The following ADGRE3 variants were observed in gnomAD, a reference collection of about 807,000 sequenced individuals.
ADGRE3 encodes adhesion G protein-coupled receptor E3, also known as EGF-like module receptor 3.
Under a neutral mutation model 80.1 loss-of-function variants are expected in ADGRE3, and 88 were observed. The observed-to-expected ratio is 1.10, with a 90% CI of 0.93 to 1.31. ADGRE3 has a LOEUF of 1.31. ADGRE3 is among the 40% of genes most tolerant of loss of function. The probability of loss-of-function intolerance (pLI) is 0.00; values close to 1 mark genes in which losing one functional copy is unlikely to be tolerated. For missense variants in ADGRE3, 715 were observed against 776.5 expected (o/e 0.92, Z 0.94); for synonymous variants, 281 against 294.8 (o/e 0.95, Z 0.48).
chr19:14,662,804 C>T (rs527568210), intron 3 of ADGRE3, among the ~76,000 whole-genome samples: 48 of 150,452 alleles, frequency 3.2e-4, no homozygotes, highest in Middle Eastern at 3.4e-3. Context: ...GCAGGGTTCA[C>T]GCCTGTAATC....
chr19:14,632,857 A>G, intron 13 of ADGRE3, 64 bp downstream of exon 13: 1 of 1,063,442 alleles, frequency 9.4e-7, no homozygotes, highest in Non-Finnish European at 1.5e-6. Context: ...GTACGTGTGT[A>G]TGGATATGTA....
chr19:14,651,079 G>T lies in ADGRE3; in HGVS notation c.697+6C>A, dbSNP rs1479829209. On this transcript the variant is annotated splice_donor_region_variant and intron_variant, in intron 7 of 15. Transcript: ENST00000253673. ...GAAGGATTCTGAATGCAGCCATCAG[G>T]CATACCTTGTGTGTCTCCCTGGATG... 1 of 1,613,958 alleles carries T rather than the reference G, an allele frequency of 6.2e-7. No homozygotes were observed. The highest frequency in any genetic ancestry group is 1.1e-5 in the South Asian group (1 of 91,066).
chr19:14,631,095 C>T (rs866465349), intron 13 of ADGRE3, among the ~76,000 whole-genome samples: 19 of 152,028 alleles, frequency 1.2e-4, no homozygotes, highest in African/African-American at 4.1e-4. Context: ...TGGTCTCGAA[C>T]GACTGACCTC....
intron 1 of ADGRE3, among the ~76,000 whole-genome samples, chr19:14,673,633 C>G (rs572977504): frequency 5.3e-5 from 8 of 152,326 alleles, no homozygotes; most frequent in Non-Finnish European, 1.2e-4. Context: ...CCCCAGTTTT[C>G]TTATCTGTAA....
intron 5 of ADGRE3, among the ~76,000 whole-genome samples, chr19:14,657,749 T>A (rs199840759): frequency 0.024 from 3,411 of 142,592 alleles, 108 homozygotes; most frequent in African/African-American, 0.081. Flanking sequence ...ATATATATTT[T>A]TTTGTTTGTT....
chr19:14,609,225 T>C, the ADGRE3 span, among the ~76,000 whole-genome samples: 1 of 152,128 alleles, frequency 6.6e-6, no homozygotes, highest in African/African-American at 2.4e-5. Flanking sequence ...GGTGACAGCC[T>C]AAGAGAAGCC....
Position 14,620,555 on chromosome 19 carries a change from T to TATATATATATATA in ADGRE3, c.1921-1097_1921-1085dup, listed in dbSNP as rs1970561826. Among the ~76,000 whole-genome samples, 2 of 29,068 alleles carry TATATATATATATA rather than the reference T, an allele frequency of 6.9e-5. 1 individual carries two copies. The highest frequency in any genetic ancestry group is 3.0e-4 in the African/African-American group (2 of 6,716). The allele number at this position is 29,068 out of a possible 152,430, so 19.1% of individuals were successfully genotyped here. On this transcript the variant is annotated intron_variant, in intron 15 of 15. Transcript: ENST00000253673. ...ATATATTTTATATATATATTATATA[T>TATATATATATATA]ATATATATATATATTTTTTTTTTTT... is the stretch of plus-strand genomic sequence containing the variant.
At chr19:14,631,948 C>G (rs544861639) in intron 13 of ADGRE3, among the ~76,000 whole-genome samples, 1 of 152,066 alleles carries the variant, frequency 6.6e-6, no homozygotes, top group African/African-American at 2.4e-5. Context: ...AAAAATGTAA[C>G]AAAGTTGTCT....
chr19:14,647,410 CTTT>C (rs35043921), intron 7 of ADGRE3, 45 bp from the exon 8 acceptor site: 42,538 of 921,000 alleles, frequency 0.046, 8 homozygotes, highest in Middle Eastern at 0.067. Context: ...TCTTTTCTTT[CTTT>C]TTTTTTTTTT....
At chr19:14,634,494 G>T (rs931446983) in intron 11 of ADGRE3, among the ~76,000 whole-genome samples, 2 of 152,034 alleles carry the variant, frequency 1.3e-5, no homozygotes, top group Admixed American at 1.3e-4. Context: ...CCAGATTTTT[G>T]GGGTTTTTAT....
rs773754562 is a variant in ADGRE3 at position 14,654,991 on chromosome 19, C to T, written c.568G>A (p.Asp190Asn). The T allele has an allele frequency of 9.3e-6, 15 of 1,613,592 alleles. No homozygotes were observed. Among genetic ancestry groups the T allele is most frequent in the South Asian group, 2.2e-5 (2 of 91,040 alleles). ...CTCATTATTGTCTTACCTACACTAT[C>T]GTTTTGGATTTTCAGGACTTTTTGT... ...PEQKVLKIQNDSVAIETQAIT... is the reference protein window; with the variant it reads ...PEQKVLKIQNNSVAIETQAIT... The change falls in exon 6 of 16, where the codon GAT becomes AAT. Residue 190 changes from aspartate to asparagine, a missense_variant. Transcript: ENST00000253673.
intron 11 of ADGRE3, 103 bp downstream of exon 11, chr19:14,638,002 G>A (rs978271671): frequency 7.5e-6 from 6 of 803,016 alleles, no homozygotes; most frequent in Non-Finnish European, 1.3e-5. Flanking sequence ...AAAGGAGAAC[G>A]TAGAGTGCAT....
the ADGRE3 span, among the ~76,000 whole-genome samples, chr19:14,607,656 ATC>A: frequency 5.2e-4 from 78 of 149,460 alleles, no homozygotes; most frequent in African/African-American, 1.9e-3. Context: ...GCTCACTGTA[ATC>A]TCTGTCTCCC....
Position 14,644,203 on chromosome 19 carries a change from C to T in ADGRE3, c.955G>A (p.Asp319Asn). The change falls in exon 9 of 16, where the codon GAT becomes AAT. Residue 319 changes from aspartate (D) to asparagine (N), a missense_variant. By Grantham distance (23) the Asp-to-Asn change is conservative. Transcript: ENST00000253673. ...STGQGSQWSRDGCFLIHVNKS... is the reference protein window; with the variant it reads ...STGQGSQWSRNGCFLIHVNKS... Reference sequence around the variant, plus strand: ...TTCACGTGTATCAGGAAGCAGCCATCCCTGGACCACTGGCTGCCCTGCCCT... The same window carrying T: ...TTCACGTGTATCAGGAAGCAGCCATTCCTGGACCACTGGCTGCCCTGCCCT... The T allele has an allele frequency of 6.2e-7, 1 of 1,608,232 alleles. No individual in the cohort carries two copies. Among genetic ancestry groups the T allele is most frequent in the Non-Finnish European group, 8.5e-7 (1 of 1,177,210 alleles).
intron 15 of ADGRE3, among the ~76,000 whole-genome samples, chr19:14,620,535 T>TAATACA (rs1491197917): frequency 5.9e-5 from 1 of 16,862 alleles, no homozygotes; most frequent in East Asian, 1.2e-3. Flanking sequence ...AATATATATA[T>TAATACA]TTTATATATA....
rs749157123 is a variant in ADGRE3, at chr19:14,625,619, A to G, written c.1813-20T>C. Reference sequence around the variant, plus strand: ...CTGGACCTGGAACATCAAAGGAAATACCTGGATGGGTTTTGCTAACATTGG... The same window carrying G: ...CTGGACCTGGAACATCAAAGGAAATGCCTGGATGGGTTTTGCTAACATTGG... On this transcript the variant is annotated intron_variant, in intron 14 of 15. Transcript: ENST00000253673. The G allele has an allele frequency of 1.8e-5, 28 of 1,520,998 alleles. No individual in the cohort carries two copies. The Admixed American group carries it at 4.0e-4, about 22-fold the overall frequency. The allele number at this position is 1,520,998 out of a possible 1,614,324, so 94.2% of individuals were successfully genotyped here. A position where few individuals can be genotyped will look rare whatever the true frequency, so the allele number is the denominator to read the frequency against.
intron 8 of ADGRE3, 89 bp downstream of exon 8, chr19:14,647,092 G>C: frequency 9.9e-7 from 1 of 1,013,384 alleles, no homozygotes; most frequent in East Asian, 2.4e-5. Flanking sequence ...TGAACAGAGT[G>C]GGTCTAGAAC....
At chr19:14,603,660 A>G in the ADGRE3 span, among the ~76,000 whole-genome samples, 1 of 151,848 alleles carries the variant, frequency 6.6e-6, no homozygotes, top group Non-Finnish European at 1.5e-5. Context: ...GAGTTAGGGT[A>G]TCATCATGTT....
chr19:14,630,206 T>C lies in ADGRE3; in HGVS notation c.1645A>G (p.Met549Val), dbSNP rs1005850058. ...SEVSTIQNTR[M>V]LAFKATAQLF... ...TGAGCTGTTGCTTTGAAAGCCAGCA[T>C]CCTGGGAGGAGGAAGTCAGAGATTA... is the stretch of plus-strand genomic sequence containing the variant. Residue 549 changes from methionine to valine, a missense_variant and splice_region_variant, in exon 14 of 16, where the codon ATG becomes GTG. Transcript: ENST00000253673. The C allele has an allele frequency of 1.9e-6, 3 of 1,598,192 alleles. No individual in the cohort carries two copies. The highest frequency in any genetic ancestry group is 2.6e-6 in the Non-Finnish European group (3 of 1,171,516).
Sources: gnomAD v4.1 joint callset for allele counts (sites outside exome capture counted in the v4.1 genomes callset) on GRCh38, gnomAD v4.1.1 for gene constraint, MANE v1.5 for transcripts, NCBI Gene and HGNC (gene_info 2026-07-23, HGNC 2026-07-21) for gene names.